PROSER2: variants seen among roughly 807,000 people sequenced by gnomAD.
PROSER2 encodes proline and serine-rich protein 2.
Under a neutral mutation model 14.6 loss-of-function variants are expected in PROSER2, and 18 were observed. That is an observed-to-expected ratio of 1.23 (90% CI 0.85 to 1.83). The LOEUF (loss-of-function observed/expected upper bound fraction) is 1.83. Among genes scored for constraint, PROSER2 ranks in the 40% most tolerant of loss-of-function variants. PROSER2 has a pLI of 0.00. For synonymous variants in PROSER2, 367 were observed against 286.4 expected (o/e 1.28, Z -2.84); for missense variants, 823 against 629.8 (o/e 1.31, Z -3.28).
chr10:11,833,235 C>CTCTTTTTT (rs1833711542), intron 1 of PROSER2, among the ~76,000 whole-genome samples: 1 of 87,668 alleles, frequency 1.1e-5, no homozygotes, highest in Admixed American at 1.6e-4. Flanking sequence ...AATGTTGTGG[C>CTCTTTTTT]TTTTTTTTTT....
In PROSER2 at chr10:11,870,352, G is replaced by C; in HGVS notation, c.1254G>C (p.Glu418Asp). Residue 418 changes from glutamate to aspartate, a missense_variant, in exon 4 of 4, where the codon GAG becomes GAC. Physicochemically the swap from Glu to Asp is conservative, Grantham distance 45. Coordinates refer to ENST00000277570, the MANE Select transcript of PROSER2 (RefSeq NM_153256.4). ...TVQFAGRGSS[E>D]EARREALRKL... ...AGTTCGCGGGCCGCGGCTCCTCGGAGGAGGCGCGCAGGGAGGCCCTGCGGA... is the reference window on the plus strand; with the variant it reads ...AGTTCGCGGGCCGCGGCTCCTCGGACGAGGCGCGCAGGGAGGCCCTGCGGA... 6.6e-7 allele frequency: 1 copy of C among 1,509,664 alleles called. No homozygotes were observed. The allele number at this position is 1,509,664 out of a possible 1,614,324, so 93.5% of individuals were successfully genotyped here.
chr10:11,845,529 A>G (rs997818365), intron 1 of PROSER2, among the ~76,000 whole-genome samples: 1 of 152,210 alleles, frequency 6.6e-6, no homozygotes, highest in African/African-American at 2.4e-5. Flanking sequence ...ATAATTGAGG[A>G]AAGTTTAATA....
At chr10:11,841,019 T>C (rs1833839456) in intron 1 of PROSER2, among the ~76,000 whole-genome samples, 1 of 140,760 alleles carries the variant, frequency 7.1e-6, no homozygotes, top group Admixed American at 7.2e-5. Flanking sequence ...TTCTCTTCTC[T>C]GGAAAAGTTT....
intron 1 of PROSER2, among the ~76,000 whole-genome samples, chr10:11,826,261 AT>A (rs2131041611): frequency 6.6e-6 from 1 of 152,096 alleles, no homozygotes; most frequent in Non-Finnish European, 1.5e-5. Flanking sequence ...ATCGCATTCT[AT>A]TTACCCATTC....
Position 11,862,067 on chromosome 10 carries a change from G to A in PROSER2, c.139-4464G>A, listed in dbSNP as rs1372778773. ...TTTCTAATGCGGCAGGTCTGGGATC[G>A]GACCCAGGAATGTTTCTGACAAGTT... is the stretch of plus-strand genomic sequence containing the variant. On this transcript the variant is annotated intron_variant, in intron 2 of 3. Transcript: ENST00000277570. The surrounding 1 kb of genome is among the most constrained non-coding windows in gnomAD (Gnocchi z 4.2). Among the ~76,000 whole-genome samples, 1 of 152,150 alleles carries A rather than the reference G, an allele frequency of 6.6e-6. No homozygotes were observed. The highest frequency in any genetic ancestry group is 1.5e-5 in the Non-Finnish European group (1 of 68,022).
chr10:11,842,980 G>T (rs1434865634), intron 1 of PROSER2, among the ~76,000 whole-genome samples: 1 of 92,188 alleles, frequency 1.1e-5, no homozygotes, highest in Admixed American at 1.4e-4. Context: ...TTGCTCTGTC[G>T]CCCAGGCTGG....
chr10:11,870,297 C>A lies in PROSER2; in HGVS notation c.1199C>A (p.Ser400Tyr). 6.7e-7 allele frequency: 1 copy of A among 1,494,722 alleles called. No homozygotes were observed. The highest frequency in any genetic ancestry group is 1.5e-5 in the African/African-American group (1 of 68,640). 92.6% of individuals were successfully genotyped at this position (1,494,722 alleles called of 1,614,324 possible). ...NGAQDWRRADSLPRPQGITVQ... is the reference protein window; with the variant it reads ...NGAQDWRRADYLPRPQGITVQ... ...GCCCAGGACTGGCGCCGCGCAGACT[C>A]CCTGCCCCGGCCCCAGGGCATCACC... The change falls in exon 4 of 4, where the codon TCC (serine) becomes TAC (tyrosine). Residue 400 changes from serine (S) to tyrosine (Y), a missense_variant. Physicochemically the swap from Ser to Tyr is moderately radical, Grantham distance 144. Coordinates refer to ENST00000277570, the MANE Select transcript of PROSER2 (RefSeq NM_153256.4).
In PROSER2 at chr10:11,866,855, G is replaced by T. The variant is rs910202419; in HGVS notation, c.391+72G>T. ...TGTGAGACCCAGAGATACTTCTTTTGTGTTCCCCTGTGTTTGCCAGTAGAA... is the reference window on the plus strand; with the variant it reads ...TGTGAGACCCAGAGATACTTCTTTTTTGTTCCCCTGTGTTTGCCAGTAGAA... On this transcript the variant is annotated intron_variant, in intron 3 of 3. Transcript: ENST00000277570. This position sits in a 1 kb window ranked among gnomAD's most constrained non-coding sequence, Gnocchi z 6.0. The T allele has an allele frequency of 7.3e-6, 11 of 1,503,632 alleles. No individual in the cohort carries two copies. In the East Asian group the frequency reaches 2.3e-4, roughly 31 times the overall value. The allele number at this position is 1,503,632 out of a possible 1,614,324, so 93.1% of individuals were successfully genotyped here.
chr10:11,853,286 G>A (rs1303281527), intron 2 of PROSER2, among the ~76,000 whole-genome samples: 1 of 151,940 alleles, frequency 6.6e-6, no homozygotes, highest in Non-Finnish European at 1.5e-5. Context: ...ATGGTAATAT[G>A]TGATAAATAT....
Position 11,866,581 on chromosome 10 carries a change from G to A in PROSER2, c.189G>A (p.Leu63=). ...YLTHEEKDVL[L]FFEETIDSLD... ...CCCATGAGGAAAAGGATGTGCTCCT[G>A]TTTTTTGAAGAGACGATTGACTCCC... The change falls in exon 3 of 4, where the codon CTG becomes CTA. Residue 63 remains leucine (L), a synonymous_variant. Coordinates refer to ENST00000277570, the MANE Select transcript of PROSER2 (RefSeq NM_153256.4). The surrounding 1 kb of genome is among the most constrained non-coding windows in gnomAD (Gnocchi z 6.0). The A allele has an allele frequency of 6.2e-7, 1 of 1,614,192 alleles. No homozygotes were observed. The highest frequency in any genetic ancestry group is 1.3e-5 in the African/African-American group (1 of 75,048).
rs1297100873 is a variant in PROSER2 at position 11,834,532 on chromosome 10, C to T, written c.-82+11062C>T. On this transcript the variant is annotated intron_variant, in intron 1 of 3. Coordinates refer to ENST00000277570, the MANE Select transcript of PROSER2 (RefSeq NM_153256.4). The stretch of plus-strand genomic sequence containing the variant: ...GGTGGATCATCTGAGGTCAGGAGTT[C>T]GAGACAAGCCTGGCCAACCTGGTGA... 5.9e-5 allele frequency among the ~76,000 whole-genome samples: 9 copies of T among 151,512 alleles called. No homozygotes were observed. In the South Asian group the frequency reaches 1.3e-3, roughly 21 times the overall value.
chr10:11,828,897 G>A (rs187910693), intron 1 of PROSER2, among the ~76,000 whole-genome samples: 1 of 152,240 alleles, frequency 6.6e-6, no homozygotes, highest in Admixed American at 6.5e-5. Context: ...TGTTTTGGGA[G>A]CAGAGGACAG....
At position 11,870,258 on chromosome 10, in the gene PROSER2, G is replaced by A; in HGVS notation, c.1160G>A (p.Arg387Gln). 1 of 1,487,508 alleles carries A rather than the reference G, an allele frequency of 6.7e-7. No homozygotes were observed. Among genetic ancestry groups the A allele is most frequent in the Middle Eastern group, 2.3e-4 (1 of 4,352 alleles). 92.1% of individuals were successfully genotyped at this position (1,487,508 alleles called of 1,614,324 possible). A position where few individuals can be genotyped will look rare whatever the true frequency, so the allele number is the denominator to read the frequency against. Residue 387 changes from arginine to glutamine, a missense_variant, in exon 4 of 4, where the codon CGG becomes CAG. Physicochemically the swap from Arg to Gln is conservative, Grantham distance 43. Coordinates refer to ENST00000277570, the MANE Select transcript of PROSER2 (RefSeq NM_153256.4). The part of the protein sequence containing the change: ...TRARQSFPGP[R>Q]QPNGAQDWRR... ...GCCCGTCAGAGCTTCCCCGGGCCCC[G>A]GCAGCCCAACGGCGCCCAGGACTGG...
chr10:11,872,005 T>C lies in PROSER2; in HGVS notation c.*1599T>C, dbSNP rs896244230. The stretch of plus-strand genomic sequence containing the variant: ...GCTTTAATTTTACAGCTTTCAAAAG[T>C]AGTTACTGTAAATTTTACTCCTGTT... On this transcript the variant is annotated 3_prime_UTR_variant, in exon 4 of 4. Coordinates refer to ENST00000277570, the MANE Select transcript of PROSER2 (RefSeq NM_153256.4). The C allele has an allele frequency of 2.0e-5, 3 of 152,252 alleles. No homozygotes were observed. The highest frequency in any genetic ancestry group is 7.2e-5 in the African/African-American group (3 of 41,472). The allele number at this position is 152,252 out of a possible 1,614,324, so 9.4% of individuals were successfully genotyped here. A position where few individuals can be genotyped will look rare whatever the true frequency, so the allele number is the denominator to read the frequency against.
chr10:11,830,070 T>G lies in PROSER2; in HGVS notation c.-82+6600T>G, dbSNP rs1340034465. On this transcript the variant is annotated intron_variant, in intron 1 of 3. Coordinates refer to ENST00000277570, the MANE Select transcript of PROSER2 (RefSeq NM_153256.4). The surrounding 1 kb of genome is among the most constrained non-coding windows in gnomAD (Gnocchi z 4.5). ...GTTGGCCATGCTGGTCTCGAACTCC[T>G]GAGCTCAAGTGATTCACCTACCTCA... 6.6e-6 allele frequency among the ~76,000 whole-genome samples: 1 copy of G among 152,074 alleles called. No individual in the cohort carries two copies. The highest frequency in any genetic ancestry group is 2.4e-5 in the African/African-American group (1 of 41,406).
chr10:11,848,472 C>A (rs1293420011), intron 1 of PROSER2, among the ~76,000 whole-genome samples: 1 of 152,110 alleles, frequency 6.6e-6, no homozygotes, highest in African/African-American at 2.4e-5. Context: ...CCTGGCCCCC[C>A]ACTCTGTTCT....
At position 11,830,945 on chromosome 10, in the gene PROSER2, C is replaced by T. The variant is rs2131046587; in HGVS notation, c.-82+7475C>T. Reference sequence around the variant, plus strand: ...AGAGAGGAGGTGGTTACTGGCCTCACCTTACTGACATCATCCATCATCTGG... The same window carrying T: ...AGAGAGGAGGTGGTTACTGGCCTCATCTTACTGACATCATCCATCATCTGG... On this transcript the variant is annotated intron_variant, in intron 1 of 3. Coordinates refer to ENST00000277570, the MANE Select transcript of PROSER2 (RefSeq NM_153256.4). This position sits in a 1 kb window ranked among gnomAD's most constrained non-coding sequence, Gnocchi z 4.5. Among the ~76,000 whole-genome samples, 1 of 152,202 alleles carries T rather than the reference C, an allele frequency of 6.6e-6. No individual in the cohort carries two copies. The highest frequency in any genetic ancestry group is 1.5e-5 in the Non-Finnish European group (1 of 67,994).
chr10:11,864,916 C>T (rs1206570467), intron 2 of PROSER2, among the ~76,000 whole-genome samples: 2 of 152,138 alleles, frequency 1.3e-5, no homozygotes, highest in African/African-American at 4.8e-5. Context: ...TGTATGTGAC[C>T]TGCTTTTTCA....
rs182615988 is a variant in PROSER2, at chr10:11,852,011, C to T, written c.-67C>T. 3.1e-4 allele frequency: 465 copies of T among 1,509,214 alleles called. 4 individuals are homozygous for T. In the African/African-American group the frequency reaches 5.9e-3, roughly 19 times the overall value. 93.5% of individuals were successfully genotyped at this position (1,509,214 alleles called of 1,614,324 possible). ...GGTGTCTCTAGGAGTGAGCTGTTGC[C>T]GCAGAATGGGCTGCTGGCTCCTGCC... On this transcript the variant is annotated 5_prime_UTR_variant, in exon 2 of 4. Coordinates refer to ENST00000277570, the MANE Select transcript of PROSER2 (RefSeq NM_153256.4).
Sources: gnomAD v4.1 joint callset for allele counts (sites outside exome capture counted in the v4.1 genomes callset) on GRCh38, gnomAD v4.1.1 for gene constraint, Gnocchi (gnomAD v3.1) non-coding constraint, MANE v1.5 for transcripts, NCBI Gene and HGNC (gene_info 2026-07-23, HGNC 2026-07-21) for gene names.